MED12L: variants seen among roughly 807,000 people sequenced by gnomAD.
The protein encoded by MED12L is mediator complex subunit 12L.
In MED12L, 60 loss-of-function variants were observed where a neutral mutation model predicts 281.3. That is an observed-to-expected ratio of 0.21 (90% confidence interval 0.17 to 0.26). The LOEUF is 0.26. Ranked by LOEUF, MED12L falls within the 10% of genes least tolerant of loss-of-function variation. The pLI is 1.00. For synonymous variants in MED12L, 974 were observed against 987.2 expected (o/e 0.99, Z 0.25); for missense variants, 2,146 against 2,680.9 (o/e 0.80, Z 4.41).
In MED12L at chr3:151,416,310, A is replaced by C. The variant is rs761314480; in HGVS notation, c.6298-2A>C. 12 of 1,613,076 alleles carry C rather than the reference A, an allele frequency of 7.4e-6. No homozygotes were observed. The highest frequency in any genetic ancestry group is 1.3e-5 in the African/African-American group (1 of 74,900). On this transcript the variant is annotated splice_acceptor_variant, in intron 42 of 44. Transcript: ENST00000687756. LOFTEE classifies it high-confidence loss of function. ...TGTATAACATTTTTACCCTCTTTCC[A>C]GATGCAGCAGCCCCAGCAGCCCCAG...
At chr3:151,294,162 A>C (rs772027391) in intron 16 of MED12L, 1 of 1,487,274 alleles carries the variant, frequency 6.7e-7, no homozygotes, top group South Asian at 1.2e-5. Flanking sequence ...AACAAACAAT[A>C]AAAGGCCTAC....
intron 16 of MED12L, among the ~76,000 whole-genome samples, chr3:151,313,612 G>A (rs1245799046): frequency 2.0e-5 from 3 of 152,050 alleles, no homozygotes; most frequent in East Asian, 1.9e-4. Context: ...TTGGGAGGCC[G>A]AGATGGGTGG....
chr3:151,326,196 T>C (rs2149847424), intron 16 of MED12L: 1 of 152,442 alleles, frequency 6.6e-6, no homozygotes, highest in Admixed American at 6.6e-5. Flanking sequence ...TATAGGAGAG[T>C]GGACAGAGCT....
intron 16 of MED12L, among the ~76,000 whole-genome samples, chr3:151,195,645 T>G (rs1724548618): frequency 6.6e-6 from 1 of 152,204 alleles, no homozygotes; most frequent in East Asian, 1.9e-4. Flanking sequence ...CCTGAAGAAT[T>G]TATAGATGAG....
At chr3:151,394,227 T>G (rs544492391) in intron 38 of MED12L, among the ~76,000 whole-genome samples, 1 of 152,332 alleles carries the variant, frequency 6.6e-6, no homozygotes, top group Non-Finnish European at 1.5e-5. Flanking sequence ...AAGACTTTAA[T>G]GACATGAGCT....
intron 5 of MED12L, among the ~76,000 whole-genome samples, chr3:151,155,361 G>A (rs915813889): frequency 2.0e-5 from 3 of 152,232 alleles, no homozygotes; most frequent in Non-Finnish European, 4.4e-5. Context: ...TGCCCCTGTG[G>A]CAGACATTTT....
chr3:151,118,412 G>A (rs957592884), intron 3 of MED12L, among the ~76,000 whole-genome samples: 1 of 152,102 alleles, frequency 6.6e-6, no homozygotes, highest in Non-Finnish European at 1.5e-5. Flanking sequence ...AACATTTTCT[G>A]CAGATAGTCC....
chr3:151,191,969 A>G (rs976934409), intron 14 of MED12L, among the ~76,000 whole-genome samples: 6 of 152,184 alleles, frequency 3.9e-5, no homozygotes, highest in African/African-American at 7.2e-5. Flanking sequence ...TTATTTTTTA[A>G]AACAGTAGCT....
At chr3:151,284,760 C>T (rs1006199217) in intron 16 of MED12L, among the ~76,000 whole-genome samples, 1 of 152,110 alleles carries the variant, frequency 6.6e-6, no homozygotes, top group Non-Finnish European at 1.5e-5. Context: ...AGGCATGCAC[C>T]ACCACACCTG....
At chr3:151,154,679 G>C (rs1719033350) in intron 5 of MED12L, among the ~76,000 whole-genome samples, 1 of 152,144 alleles carries the variant, frequency 6.6e-6, no homozygotes. Context: ...TTAGGATTTG[G>C]ATCCTTGTTA....
At chr3:151,371,047 C>T (rs1240099254) in intron 26 of MED12L, among the ~76,000 whole-genome samples, 7 of 152,222 alleles carry the variant, frequency 4.6e-5, no homozygotes, top group Admixed American at 2.0e-4. Context: ...TGCAGAAGGC[C>T]TGGCACAGAC....
chr3:151,211,354 A>G (rs76896186), intron 16 of MED12L, among the ~76,000 whole-genome samples: 4,689 of 151,100 alleles, frequency 0.031, 234 homozygotes, highest in African/African-American at 0.11. Flanking sequence ...TGTGAAGAAT[A>G]AACACTGCCT....
chr3:151,205,424 T>C (rs1276330048), intron 16 of MED12L, among the ~76,000 whole-genome samples: 1 of 152,220 alleles, frequency 6.6e-6, no homozygotes, highest in Admixed American at 6.5e-5. Flanking sequence ...AACTCTCCTA[T>C]CCATACAAAA....
intron 39 of MED12L, among the ~76,000 whole-genome samples, chr3:151,405,043 A>G (rs1006950548): frequency 1.3e-5 from 2 of 152,240 alleles, no homozygotes; most frequent in South Asian, 2.1e-4. Flanking sequence ...CTTTGAGTCA[A>G]CATCTCTTTG....
chr3:151,392,278 A>G (rs1424352888), intron 38 of MED12L, among the ~76,000 whole-genome samples: 2 of 152,078 alleles, frequency 1.3e-5, no homozygotes, highest in Non-Finnish European at 2.9e-5. Context: ...AGCCTGGCCA[A>G]TATGGTGAAA....
At chr3:151,194,853 T>A (rs1327305264) in intron 16 of MED12L, among the ~76,000 whole-genome samples, 3 of 152,076 alleles carry the variant, frequency 2.0e-5, no homozygotes, top group African/African-American at 7.2e-5. Flanking sequence ...TTTCATTGGG[T>A]GTTACTTTTA....
intron 16 of MED12L, among the ~76,000 whole-genome samples, chr3:151,226,392 C>T (rs369840809): frequency 2.4e-4 from 37 of 152,134 alleles, no homozygotes; most frequent in African/African-American, 6.0e-4. Flanking sequence ...TAAACGTTTA[C>T]GTTACAAATG....
At chr3:151,427,423 A>T (rs1385822440) in intron 43 of MED12L, among the ~76,000 whole-genome samples, 1 of 152,128 alleles carries the variant, frequency 6.6e-6, no homozygotes, top group Admixed American at 6.5e-5. Flanking sequence ...ACACGCATAC[A>T]TGTGTACACA....
intron 5 of MED12L, among the ~76,000 whole-genome samples, chr3:151,128,345 CTACTA>C (rs1193153072): frequency 1.3e-5 from 2 of 152,216 alleles, no homozygotes; most frequent in Non-Finnish European, 2.9e-5. Context: ...CTCTGCATAA[CTACTA>C]TACTAATCTC....
Sources: allele counts gnomAD v4.1 joint callset (sites outside exome capture counted in the v4.1 genomes callset), GRCh38; gene constraint gnomAD v4.1.1; transcripts MANE v1.5; gene names NCBI Gene and HGNC (gene_info 2026-07-23, HGNC 2026-07-21).